Variants in BMP8B observed in about 807,000 individuals in gnomAD.
BMP8B encodes bone morphogenetic protein 8b, also known as bone morphogenetic protein 8 (osteogenic protein 2).
A neutral mutation model predicts 30.3 loss-of-function variants in BMP8B; 17 were observed. The observed-to-expected ratio is 0.56, with a 90% CI of 0.38 to 0.84. BMP8B has a LOEUF of 0.84. Ranked by LOEUF, BMP8B falls within the 40% of genes least tolerant of loss-of-function variation. The pLI, the probability that BMP8B is intolerant of heterozygous loss-of-function variation, is 0.00. For synonymous variants in BMP8B, 131 were observed against 214.7 expected, an observed-to-expected ratio of 0.61 and a Z score of 3.41; for missense variants, 253 against 494.6, an observed-to-expected ratio of 0.51 and a Z score of 4.63.
Position 39,763,129 on chromosome 1 carries a change from C to G in BMP8B, c.1022G>C (p.Cys341Ser). Residue 341 changes from cysteine to serine, a missense_variant, in exon 6 of 7, where the codon TGC becomes TCC. Transcript: ENST00000372827. ...EGECSFPLDS[C>S]MNATNHAILQ... ...GATGGCGTGGTTGGTGGCATTCATG[C>G]AGGAGTCCAGTGGGAAGGAGCACTC... is the stretch of plus-strand genomic sequence containing the variant. The G allele has an allele frequency of 1.2e-6, 2 of 1,614,080 alleles. No homozygotes were observed. Among genetic ancestry groups the G allele is most frequent in the Non-Finnish European group, 1.7e-6 (2 of 1,179,974 alleles).
At chr1:39,770,559 G>C in intron 3 of BMP8B, 1 of 1,608,286 alleles carries the variant, frequency 6.2e-7, no homozygotes, top group South Asian at 1.1e-5. Context: ...TTGCACATGG[G>C]CACGTTGAAA....
chr1:39,776,820 G>A (rs564328144), intron 1 of BMP8B, among the ~76,000 whole-genome samples: 2 of 152,318 alleles, frequency 1.3e-5, no homozygotes, highest in South Asian at 4.1e-4. Flanking sequence ...CTTACTGTGT[G>A]TACAACACTG....
intron 1 of BMP8B, among the ~76,000 whole-genome samples, chr1:39,780,562 A>C (rs1650565700): frequency 6.6e-6 from 1 of 152,224 alleles, no homozygotes; most frequent in Non-Finnish European, 1.5e-5. Context: ...AGGAAAAGCC[A>C]TGATGGGATT....
At chr1:39,763,605 T>C (rs1649343737) in intron 5 of BMP8B, 107 bp downstream of exon 5, 2 of 1,417,992 alleles carry the variant, frequency 1.4e-6, no homozygotes, top group Non-Finnish European at 1.9e-6. Flanking sequence ...AAGAAAAAAA[T>C]ACATAAGAAA....
Position 39,757,318 on chromosome 1 carries a change from A to C in BMP8B, c.*3101T>G, listed in dbSNP as rs1354648519. 6.6e-6 allele frequency: 1 copy of C among 152,258 alleles called. No individual in the cohort carries two copies. The highest frequency in any genetic ancestry group is 1.5e-5 in the Non-Finnish European group (1 of 68,054). The allele number at this position is 152,258 out of a possible 1,614,324, so 9.4% of individuals were successfully genotyped here. ...ATCCCAAAGATTTGTGTACATATTT[A>C]GTCTTTATAATAGCTTTGGGAGGAA... On this transcript the variant is annotated 3_prime_UTR_variant, in exon 7 of 7. Transcript: ENST00000372827.
In BMP8B at chr1:39,763,755, C is replaced by T. The variant is rs377403339; in HGVS notation, c.905G>A (p.Arg302His). ...GAAGCTGACGTAGAGCTCGTGCCGA[C>T]GGCAGACCTGCCGGCCGTGGGAGCC... ...VHGSHGRQVCRRHELYVSFQD... is the reference protein window; with the variant it reads ...VHGSHGRQVCHRHELYVSFQD... Residue 302 changes from arginine to histidine, a missense_variant, in exon 5 of 7, where the codon CGT becomes CAT. Around this residue, in one of 7 missense-constraint regions of BMP8B, gnomAD observed 116 missense variants for 142.3 expected, o/e 0.81. Coordinates refer to ENST00000372827, the MANE Select transcript of BMP8B (RefSeq NM_001720.5). 33 of 1,604,162 alleles carry T rather than the reference C, an allele frequency of 2.1e-5. No homozygotes were observed. Among genetic ancestry groups the T allele is most frequent in the South Asian group, 1.3e-4 (12 of 90,662 alleles).
rs570741479 is a variant in BMP8B, at chr1:39,788,402, C to A, written c.84G>T (p.Pro28=). ...CCAGACGTCGCTGGGGACAGCCGGG[C>A]GGGGGTCGCAGGCCGGGGCCGCCCC... ...LGGGGPGLRP[P]PGCPQRRLGA... The change falls in exon 1 of 7, where the codon CCG becomes CCT. Residue 28 remains proline, a synonymous_variant. Transcript: ENST00000372827. This position sits in a 1 kb window ranked among gnomAD's most constrained non-coding sequence, Gnocchi z 5.8. 3.2e-3 allele frequency: 3,499 copies of A among 1,078,780 alleles called. 83 individuals are homozygous for A. In the African/African-American group the frequency reaches 0.052, roughly 16 times the overall value. 66.8% of individuals were successfully genotyped at this position (1,078,780 alleles called of 1,614,324 possible).
intron 1 of BMP8B, among the ~76,000 whole-genome samples, chr1:39,780,287 T>C (rs1406890243): frequency 6.6e-6 from 1 of 152,096 alleles, no homozygotes; most frequent in Non-Finnish European, 1.5e-5. Context: ...TCATCCCAGG[T>C]TATAGATGAG....
chr1:39,763,232 T>C (rs1291385416), intron 5 of BMP8B, 30 bp from the exon 6 acceptor site: 1 of 1,573,908 alleles, frequency 6.4e-7, no homozygotes, highest in Non-Finnish European at 8.7e-7. Context: ...GTGAGTCCCA[T>C]CCATGTGCCC....
chr1:39,761,589 C>T (rs1394234210), intron 6 of BMP8B, among the ~76,000 whole-genome samples: 2 of 152,168 alleles, frequency 1.3e-5, no homozygotes, highest in African/African-American at 2.4e-5. Context: ...GCCGGCCCTG[C>T]CCACCCTGGT....
chr1:39,771,619 A>C (rs1029537984), intron 3 of BMP8B, among the ~76,000 whole-genome samples: 2 of 150,120 alleles, frequency 1.3e-5, no homozygotes, highest in African/African-American at 5.0e-5. Flanking sequence ...AGCTCATTAA[A>C]GACACCAAGT....
chr1:39,769,831 C>T (rs1309393735), intron 3 of BMP8B: 3 of 1,613,092 alleles, frequency 1.9e-6, no homozygotes, highest in African/African-American at 2.7e-5. Flanking sequence ...TCTTCCTGTG[C>T]ACGTCAAACA....
At chr1:39,762,465 A>C in intron 6 of BMP8B, 1 of 1,517,448 alleles carries the variant, frequency 6.6e-7, no homozygotes, top group Non-Finnish European at 8.8e-7. Flanking sequence ...CAGAGCACTC[A>C]ACAGTGAGCA....
Position 39,774,920 on chromosome 1 carries a change from C to T in BMP8B, c.453G>A (p.Val151=). Residue 151 remains valine (V), a synonymous_variant, in exon 2 of 7, where the codon GTG becomes GTA. Transcript: ENST00000372827. ...VTAAEFRIYK[V]PSIHLLNRTL... is the part of the protein sequence containing the mutation. Reference sequence around the variant, plus strand: ...TCCTGTTGAGCAGGTGGATGCTGGGCACCTTGTAAATCCGGAACTCCGCAG... The same window carrying T: ...TCCTGTTGAGCAGGTGGATGCTGGGTACCTTGTAAATCCGGAACTCCGCAG... 2 of 1,118,790 alleles carry T rather than the reference C, an allele frequency of 1.8e-6. No individual in the cohort carries two copies. The highest frequency in any genetic ancestry group is 2.6e-6 in the Non-Finnish European group (2 of 783,434). 69.3% of individuals were successfully genotyped at this position (1,118,790 alleles called of 1,614,324 possible).
intron 1 of BMP8B, among the ~76,000 whole-genome samples, chr1:39,781,509 A>G (rs1650635435): frequency 6.6e-6 from 1 of 152,226 alleles, no homozygotes; most frequent in Admixed American, 6.5e-5. Flanking sequence ...CATTTTACAG[A>G]TGAGGAAACT....
In BMP8B at chr1:39,774,862, C is replaced by A. The variant is rs1203459975; in HGVS notation, c.511G>T (p.Glu171Ter). 13 of 863,826 alleles carry A rather than the reference C, an allele frequency of 1.5e-5. No homozygotes were observed. The highest frequency in any genetic ancestry group is 2.6e-5 in the Admixed American group (1 of 38,016). 53.5% of individuals were successfully genotyped at this position (863,826 alleles called of 1,614,324 possible). ...AGGGGAAGGCACCTGTTGGACTGCT[C>A]CTGGACCACCTGGAACATGCTGACG... is the stretch of plus-strand genomic sequence containing the variant. ...LHVSMFQVVQEQSNRESDLFF... is the reference protein window; with the variant it reads ...LHVSMFQVVQ Residue 171 changes from glutamate to a stop codon, truncating the protein, a stop_gained, in exon 2 of 7, where the codon GAG becomes TAG. Coordinates refer to ENST00000372827, the MANE Select transcript of BMP8B (RefSeq NM_001720.5). LOFTEE classifies it high-confidence loss of function.
chr1:39,776,417 T>C (rs1400862962), intron 1 of BMP8B, among the ~76,000 whole-genome samples: 1 of 152,200 alleles, frequency 6.6e-6, no homozygotes, highest in African/African-American at 2.4e-5. Context: ...TTCAATGATA[T>C]GTTTGTGAGT....
At chr1:39,768,605 A>T (rs1649752638) in intron 3 of BMP8B, among the ~76,000 whole-genome samples, 1 of 149,926 alleles carries the variant, frequency 6.7e-6, no homozygotes, top group Admixed American at 6.6e-5. Flanking sequence ...TCAAGCCTGT[A>T]CTTTGGGAGG....
At chr1:39,778,859 G>T (rs1296685580) in intron 1 of BMP8B, among the ~76,000 whole-genome samples, 1 of 152,220 alleles carries the variant, frequency 6.6e-6, no homozygotes, top group East Asian at 1.9e-4. Flanking sequence ...GGGAGGAGGG[G>T]GGCTGGGTGC....
Sources: gnomAD v4.1 joint callset for allele counts (sites outside exome capture counted in the v4.1 genomes callset) on GRCh38, gnomAD v4.1.1 for gene constraint, gnomAD v4.1.1 regional missense constraint, Gnocchi (gnomAD v3.1) non-coding constraint, MANE v1.5 for transcripts, NCBI Gene and HGNC (gene_info 2026-07-23, HGNC 2026-07-21) for gene names.